Variants in GPR137C observed in about 807,000 individuals in gnomAD.
The protein encoded by GPR137C is G protein-coupled receptor 137C.
GPR137C carries 27 observed loss-of-function variants against 43.4 expected under a neutral mutation model. The ratio of observed to expected loss-of-function variants is 0.62; its 90% confidence interval spans 0.46 to 0.86. The LOEUF (loss-of-function observed/expected upper bound fraction) is 0.86. GPR137C is among the 40% of genes least tolerant of loss of function. The probability of loss-of-function intolerance (pLI) is 0.00; values close to 1 mark genes in which losing one functional copy is unlikely to be tolerated. For synonymous variants in GPR137C, 285 were observed against 226.9 expected (o/e 1.26, Z -2.30); for missense variants, 522 against 534.6 (o/e 0.98, Z 0.23).
chr14:52,598,347 A>G, intron 2 of GPR137C, 32 bp downstream of exon 2: 2 of 955,026 alleles, frequency 2.1e-6, no homozygotes, highest in South Asian at 1.7e-5. Flanking sequence ...ATTTCTATCT[A>G]AAAGATCTAA....
chr14:52,627,648 A>G (rs1235742945), intron 3 of GPR137C, among the ~76,000 whole-genome samples: 1 of 152,122 alleles, frequency 6.6e-6, no homozygotes, highest in Non-Finnish European at 1.5e-5. Flanking sequence ...AGATGAGACC[A>G]TCCTGGCCAA....
intron 1 of GPR137C, among the ~76,000 whole-genome samples, chr14:52,567,662 G>GTT (rs397853244): frequency 2.5e-4 from 33 of 134,106 alleles, no homozygotes; most frequent in Non-Finnish European, 2.8e-4. Context: ...TTTTTTTTTG[G>GTT]TTTTTTTTTT....
intron 1 of GPR137C, among the ~76,000 whole-genome samples, chr14:52,561,633 A>C (rs2038285296): frequency 1.3e-5 from 2 of 152,344 alleles, no homozygotes; most frequent in South Asian, 4.1e-4. Flanking sequence ...AAGGAATACC[A>C]CTCAGTAGTA....
intron 3 of GPR137C, among the ~76,000 whole-genome samples, chr14:52,608,437 T>G (rs1332750206): frequency 2.6e-5 from 4 of 152,214 alleles, no homozygotes; most frequent in Admixed American, 2.6e-4. Context: ...ATGGCACAAT[T>G]TGCATTTTTA....
chr14:52,566,068 A>G (rs2139447150), intron 1 of GPR137C, among the ~76,000 whole-genome samples: 1 of 152,312 alleles, frequency 6.6e-6, no homozygotes, highest in Non-Finnish European at 1.5e-5. Flanking sequence ...CAGTATCTCA[A>G]TTCTGTCTCT....
intron 6 of GPR137C, 39 bp from the exon 7 acceptor site, chr14:52,634,899 T>C (rs2139588539): frequency 6.3e-7 from 1 of 1,590,872 alleles, no homozygotes; most frequent in East Asian, 2.2e-5. Flanking sequence ...TATATCCTGA[T>C]CATAGTCCTA....
At chr14:52,559,824 C>A (rs898778917) in intron 1 of GPR137C, among the ~76,000 whole-genome samples, 3 of 152,138 alleles carry the variant, frequency 2.0e-5, no homozygotes, top group Admixed American at 6.5e-5. Flanking sequence ...TAGGATATAA[C>A]TTTTTATATA....
Position 52,553,075 on chromosome 14 carries a change from T to C in GPR137C, c.-73T>C. The C allele has an allele frequency of 1.2e-6, 1 of 811,662 alleles. No individual in the cohort carries two copies. The highest frequency in any genetic ancestry group is 1.6e-6 in the Non-Finnish European group (1 of 641,228). The allele number at this position is 811,662 out of a possible 1,614,324, so 50.3% of individuals were successfully genotyped here. A position where few individuals can be genotyped will look rare whatever the true frequency, so the allele number is the denominator to read the frequency against. Reference sequence around the variant, plus strand: ...GGGTGGGGGGTAAGGGGGCAGTCCTTCTCCCCTTCGACGGCGGCTCCGAGT... The same window carrying C: ...GGGTGGGGGGTAAGGGGGCAGTCCTCCTCCCCTTCGACGGCGGCTCCGAGT... On this transcript the variant is annotated 5_prime_UTR_variant, in exon 1 of 7. Transcript: ENST00000321662.
At chr14:52,580,370 A>AAT (rs1341660908) in intron 1 of GPR137C, among the ~76,000 whole-genome samples, 2 of 150,388 alleles carry the variant, frequency 1.3e-5, no homozygotes, top group Non-Finnish European at 3.0e-5. Context: ...AGAAAAAAAA[A>AAT]TTTTTTTTTT....
At position 52,636,015 on chromosome 14, in the gene GPR137C, G is replaced by C. The variant is rs1188269425; in HGVS notation, c.*900G>C. ...ATTTTCAAAAGCATTTGATTTCTCT[G>C]AAGCATGATATAGCTGGTCTTACCT... On this transcript the variant is annotated 3_prime_UTR_variant, in exon 7 of 7. Transcript: ENST00000321662. 2.6e-5 allele frequency: 4 copies of C among 152,074 alleles called. No homozygotes were observed. Among genetic ancestry groups the C allele is most frequent in the African/African-American group, 7.2e-5 (3 of 41,438 alleles). The allele number at this position is 152,074 out of a possible 1,614,324, so 9.4% of individuals were successfully genotyped here. A position where few individuals can be genotyped will look rare whatever the true frequency, so the allele number is the denominator to read the frequency against.
In GPR137C at chr14:52,556,119, T is replaced by G. The variant is rs77419564; in HGVS notation, c.444+2528T>G. Among the ~76,000 whole-genome samples the G allele has an allele frequency of 4.8e-3, 728 of 152,266 alleles. 27 individuals carry two copies. The East Asian group carries it at 0.091, about 19-fold the overall frequency. ...TTTAATTTTTTTAACCAAAAGCCCC[T>G]ATAACTTTTTTGAATAGTCGTGTGT... On this transcript the variant is annotated intron_variant, in intron 1 of 6. Coordinates refer to ENST00000321662, the MANE Select transcript of GPR137C (RefSeq NM_001099652.2).
intron 3 of GPR137C, among the ~76,000 whole-genome samples, chr14:52,625,575 G>T (rs2039215882): frequency 1.4e-5 from 1 of 69,672 alleles, no homozygotes. Context: ...TTTTTTTTGA[G>T]ACGGAGTCTT....
In GPR137C at chr14:52,574,967, A is replaced by G. The variant is rs144097602; in HGVS notation, c.444+21376A>G. Among the ~76,000 whole-genome samples the G allele has an allele frequency of 4.2e-3, 634 of 152,338 alleles. 5 individuals are homozygous for G. Among genetic ancestry groups the G allele is most frequent in the African/African-American group, 0.014 (596 of 41,588 alleles). ...AGTGTTGGAAAACTTTTTAAAGGACAGCATAGTTTCAGCACAAATGCAGTT... is the reference window on the plus strand; with the variant it reads ...AGTGTTGGAAAACTTTTTAAAGGACGGCATAGTTTCAGCACAAATGCAGTT... On this transcript the variant is annotated intron_variant, in intron 1 of 6. Transcript: ENST00000321662.
At chr14:52,633,006 T>G (rs779013974) in intron 4 of GPR137C, among the ~76,000 whole-genome samples, 2 of 152,144 alleles carry the variant, frequency 1.3e-5, no homozygotes, top group Non-Finnish European at 2.9e-5. Flanking sequence ...TTTTCACATG[T>G]GGTTCCTTGT....
chr14:52,615,725 T>C (rs1326095822), intron 3 of GPR137C, among the ~76,000 whole-genome samples: 1 of 152,190 alleles, frequency 6.6e-6, no homozygotes, highest in Non-Finnish European at 1.5e-5. Flanking sequence ...TTTGTGGCTA[T>C]TATAAATGAG....
At chr14:52,554,575 A>C (rs895998381) in intron 1 of GPR137C, among the ~76,000 whole-genome samples, 20 of 152,142 alleles carry the variant, frequency 1.3e-4, no homozygotes, top group African/African-American at 4.8e-4. Context: ...CCACCAAAAG[A>C]AAAGCTTGAG....
rs569531219 is a variant in GPR137C at position 52,618,104 on chromosome 14, G to A, written c.718-14056G>A. The stretch of plus-strand genomic sequence containing the variant: ...CAAAAGGAACAGTCACTGAAAAAAA[G>A]GAATAAGAATTACTGAAGAACAGGA... On this transcript the variant is annotated intron_variant, in intron 3 of 6. Coordinates refer to ENST00000321662, the MANE Select transcript of GPR137C (RefSeq NM_001099652.2). 8.7e-4 allele frequency among the ~76,000 whole-genome samples: 133 copies of A among 152,192 alleles called. 2 individuals carry two copies. The highest frequency in any genetic ancestry group is 4.3e-4 in the Non-Finnish European group (29 of 67,988).
At chr14:52,619,208 C>A (rs1324472172) in intron 3 of GPR137C, among the ~76,000 whole-genome samples, 2 of 152,064 alleles carry the variant, frequency 1.3e-5, no homozygotes, top group African/African-American at 4.8e-5. Context: ...GCAACTAATT[C>A]TATACAGCTA....
chr14:52,633,362 A>G (rs1030863603), intron 4 of GPR137C, among the ~76,000 whole-genome samples, 168 bp from the exon 5 acceptor site: 2 of 152,130 alleles, frequency 1.3e-5, no homozygotes, highest in Admixed American at 6.6e-5. Flanking sequence ...ATGTCCTTTA[A>G]AGGATAAGTG....
Sources: allele counts gnomAD v4.1 joint callset (sites outside exome capture counted in the v4.1 genomes callset), GRCh38; gene constraint gnomAD v4.1.1; transcripts MANE v1.5; gene names NCBI Gene and HGNC (gene_info 2026-07-23, HGNC 2026-07-21).